MAF: variants seen among roughly 807,000 people sequenced by gnomAD.
MAF encodes transcription factor Maf.
A neutral mutation model predicts 22.0 loss-of-function variants in MAF; 10 were observed. That is an observed-to-expected ratio of 0.45 (90% CI 0.28 to 0.77). MAF has a LOEUF of 0.77. MAF is among the 30% of genes least tolerant of loss of function. The pLI is 0.12. For missense variants in MAF, 544 were observed against 548.4 expected, an observed-to-expected ratio of 0.99 and a Z score of 0.08; for synonymous variants, 337 against 255.8, an observed-to-expected ratio of 1.32 and a Z score of -3.03.
At chr16:79,339,296 T>C in the MAF span, among the ~76,000 whole-genome samples, 1 of 152,168 alleles carries the variant, frequency 6.6e-6, no homozygotes, top group African/African-American at 2.4e-5. Context: ...CCTGACCTCA[T>C]GATCCGCCTG....
chr16:79,481,997 G>C, the MAF span, among the ~76,000 whole-genome samples: 1 of 152,180 alleles, frequency 6.6e-6, no homozygotes, highest in Non-Finnish European at 1.5e-5. Context: ...TGCAGACAAA[G>C]GATGGATGAT....
chr16:79,377,441 G>A, the MAF span, among the ~76,000 whole-genome samples: 5 of 152,174 alleles, frequency 3.3e-5, no homozygotes, highest in Non-Finnish European at 7.3e-5. Context: ...TTTGTCAGAT[G>A]AGTAGATTGC....
downstream of MAF, among the ~76,000 whole-genome samples, chr16:79,590,060 G>C (rs1324332303): frequency 6.6e-6 from 1 of 152,114 alleles, no homozygotes; most frequent in Non-Finnish European, 1.5e-5. Flanking sequence ...TACGCCCCTC[G>C]GGGGACCTCA....
the MAF span, among the ~76,000 whole-genome samples, chr16:79,286,636 C>T: frequency 1.1e-4 from 16 of 152,188 alleles, no homozygotes; most frequent in African/African-American, 3.6e-4. Context: ...AATATCTATC[C>T]AGGCATACAT....
chr16:79,275,152 C>T, the MAF span, among the ~76,000 whole-genome samples: 1 of 152,160 alleles, frequency 6.6e-6, no homozygotes, highest in East Asian at 1.9e-4. Context: ...GATCAGGAGT[C>T]TGAGACCAGC....
chr16:79,418,802 G>A, the MAF span, among the ~76,000 whole-genome samples: 2 of 152,264 alleles, frequency 1.3e-5, no homozygotes, highest in Admixed American at 6.5e-5. Flanking sequence ...CATATCAGGA[G>A]CAAATGCAGA....
chr16:79,406,758 A>G, the MAF span, among the ~76,000 whole-genome samples: 1 of 152,110 alleles, frequency 6.6e-6, no homozygotes, highest in African/African-American at 2.4e-5. Context: ...TGTGTTTTCA[A>G]CCGTAAAACG....
chr16:79,304,972 T>G, the MAF span, among the ~76,000 whole-genome samples: 4,446 of 149,110 alleles, frequency 0.03, 234 homozygotes, highest in African/African-American at 0.11. Flanking sequence ...TAATGAGCAC[T>G]AATTCAGAAT....
At chr16:79,478,739 C>A in the MAF span, among the ~76,000 whole-genome samples, 2 of 152,108 alleles carry the variant, frequency 1.3e-5, no homozygotes, top group African/African-American at 2.4e-5. Context: ...TCCCAGCATA[C>A]CTGGATGTCA....
the MAF span, among the ~76,000 whole-genome samples, chr16:79,268,620 T>C: frequency 6.6e-6 from 1 of 152,110 alleles, no homozygotes. Context: ...GAAGAAACAA[T>C]GGCATTTCTC....
chr16:79,457,653 CA>C, the MAF span, among the ~76,000 whole-genome samples: 5 of 152,022 alleles, frequency 3.3e-5, no homozygotes, highest in African/African-American at 9.7e-5. Context: ...AAGTAAGAGA[CA>C]GGGGTGAGGG....
the MAF span, among the ~76,000 whole-genome samples, chr16:79,232,442 T>G: frequency 6.6e-6 from 1 of 152,068 alleles, no homozygotes; most frequent in Non-Finnish European, 1.5e-5. Flanking sequence ...GGTACGGTAG[T>G]TGACTCGACA....
chr16:79,482,624 C>A, the MAF span, among the ~76,000 whole-genome samples: 17 of 152,158 alleles, frequency 1.1e-4, no homozygotes, highest in African/African-American at 3.9e-4. Context: ...TTTCAGTGAT[C>A]ATTTCCATGC....
At chr16:79,580,559 G>A in the MAF span, among the ~76,000 whole-genome samples, 1 of 152,276 alleles carries the variant, frequency 6.6e-6, no homozygotes, top group East Asian at 1.9e-4. Context: ...ATGCCAGGGG[G>A]CTTCGAAGGT....
the MAF span, among the ~76,000 whole-genome samples, chr16:79,265,187 G>A: frequency 1.3e-5 from 2 of 152,098 alleles, no homozygotes; most frequent in Admixed American, 6.5e-5. Flanking sequence ...AATTTCATTG[G>A]TCAGTTGAAT....
chr16:79,298,013 C>G, the MAF span, among the ~76,000 whole-genome samples: 1 of 152,206 alleles, frequency 6.6e-6, no homozygotes, highest in Non-Finnish European at 1.5e-5. Flanking sequence ...ATGTAATTAG[C>G]AAGGTCCAGT....
the MAF span, chr16:79,211,971 C>CCTGGGGTAAAGTATCACTT: frequency 6.5e-7 from 1 of 1,532,756 alleles, no homozygotes; most frequent in Non-Finnish European, 8.7e-7. Flanking sequence ...GCAGGGAATT[C>CCTGGGGTAAAGTATCACTT]CTGGGGTAAA....
chr16:79,375,562 T>A, the MAF span, among the ~76,000 whole-genome samples: 1 of 149,780 alleles, frequency 6.7e-6, no homozygotes, highest in Admixed American at 6.6e-5. Context: ...ACTGTGACAA[T>A]GATGATGAAG....
the MAF span, among the ~76,000 whole-genome samples, chr16:79,558,163 G>T: frequency 3.9e-5 from 6 of 152,146 alleles, no homozygotes; most frequent in African/African-American, 1.2e-4. Context: ...TCCTGCCTGT[G>T]GGGGGCCATT....
Sources: gnomAD v4.1 joint callset for allele counts (sites outside exome capture counted in the v4.1 genomes callset) on GRCh38, gnomAD v4.1.1 for gene constraint, MANE v1.5 for transcripts, NCBI Gene and HGNC (gene_info 2026-07-23, HGNC 2026-07-21) for gene names.